LRRFIP1: variants seen among roughly 807,000 people sequenced by gnomAD.
LRRFIP1 encodes the protein leucine-rich repeat flightless-interacting protein 1.
A neutral mutation model predicts 104.4 loss-of-function variants in LRRFIP1; 62 were observed. The observed-to-expected ratio is 0.59, with a 90% confidence interval of 0.48 to 0.73. The LOEUF is 0.73. Among genes scored for constraint, LRRFIP1 ranks in the 30% least tolerant of loss-of-function variants. The pLI is 0.00. For synonymous variants in LRRFIP1, 300 were observed against 299.0 expected, an observed-to-expected ratio of 1.00 and a Z score of -0.03; for missense variants, 796 against 824.5, an observed-to-expected ratio of 0.97 and a Z score of 0.42.
chr2:237,671,825 C>CGT (rs2090393209), intron 1 of LRRFIP1, among the ~76,000 whole-genome samples: 6 of 148,760 alleles, frequency 4.0e-5, no homozygotes, highest in Admixed American at 1.3e-4. Context: ...TGTGTGTGCA[C>CGT]ATGTGTGTGT....
At chr2:237,740,641 A>G (rs2095387919) in intron 11 of LRRFIP1, among the ~76,000 whole-genome samples, 1 of 152,060 alleles carries the variant, frequency 6.6e-6, no homozygotes, top group African/African-American at 2.4e-5. Context: ...TTTGTGTTTT[A>G]AATTAGATGC....
At chr2:237,688,524 T>A (rs1225435270) in intron 1 of LRRFIP1, among the ~76,000 whole-genome samples, 1 of 148,108 alleles carries the variant, frequency 6.8e-6, no homozygotes, top group Admixed American at 6.8e-5. Context: ...AGTGGCATGA[T>A]CTCAGCTTAC....
Position 237,772,197 on chromosome 2 carries a change from A to G in LRRFIP1, c.1626A>G (p.Gln542=), listed in dbSNP as rs2060701350. 13 of 1,604,702 alleles carry G rather than the reference A, an allele frequency of 8.1e-6. No homozygotes were observed. The highest frequency in any genetic ancestry group is 4.0e-5 in the African/African-American group (3 of 74,764). The part of the protein sequence containing the change: ...NGTDMHVMDL[Q]RDANRQISDL... ...CAGACATGCATGTAATGGACCTACAAAGTAAATGTCAATTCTTGTGTAGAA... is the reference window on the plus strand; with the variant it reads ...CAGACATGCATGTAATGGACCTACAGAGTAAATGTCAATTCTTGTGTAGAA... Residue 542 remains glutamine (Q), a splice_region_variant and synonymous_variant, in exon 21 of 24, where the codon CAA becomes CAG. Coordinates refer to ENST00000308482, the MANE Select transcript of LRRFIP1 (RefSeq NM_001137550.2).
intron 8 of LRRFIP1, among the ~76,000 whole-genome samples, chr2:237,728,988 T>G (rs1431567563): frequency 6.6e-6 from 1 of 152,226 alleles, no homozygotes; most frequent in Non-Finnish European, 1.5e-5. Context: ...AGTGGTGCTA[T>G]CTCAGCTCAC....
At chr2:237,713,371 T>C (rs185868736) in intron 2 of LRRFIP1, among the ~76,000 whole-genome samples, 11 of 152,332 alleles carry the variant, frequency 7.2e-5, no homozygotes, top group African/African-American at 2.6e-4. Flanking sequence ...GGGAGAATAA[T>C]GTACATATTC....
intron 1 of LRRFIP1, among the ~76,000 whole-genome samples, chr2:237,672,556 C>G (rs2090510198): frequency 6.6e-6 from 1 of 152,142 alleles, no homozygotes; most frequent in South Asian, 2.1e-4. Context: ...TATTAGTTTT[C>G]CATTATGATC....
At chr2:237,710,268 C>T (rs552490316) in intron 2 of LRRFIP1, among the ~76,000 whole-genome samples, 43 of 151,802 alleles carry the variant, frequency 2.8e-4, no homozygotes, top group Non-Finnish European at 5.2e-4. Flanking sequence ...TAGATAAAAA[C>T]GTATTGATTG....
chr2:237,764,164 T>G (rs1576382367), intron 19 of LRRFIP1: 1 of 1,614,022 alleles, frequency 6.2e-7, no homozygotes. Flanking sequence ...GCAGGCGCGG[T>G]GCACAGGAAG....
intron 1 of LRRFIP1, among the ~76,000 whole-genome samples, chr2:237,689,887 G>A (rs2092649040): frequency 6.6e-6 from 1 of 152,206 alleles, no homozygotes; most frequent in Non-Finnish European, 1.5e-5. Flanking sequence ...TGCCCAGCGG[G>A]ATCCCCGTGT....
intron 1 of LRRFIP1, among the ~76,000 whole-genome samples, chr2:237,652,290 A>G (rs2086067717): frequency 6.6e-6 from 1 of 152,202 alleles, no homozygotes; most frequent in Non-Finnish European, 1.5e-5. Flanking sequence ...TGGAGATATA[A>G]ATTTGGGAGT....
intron 1 of LRRFIP1, among the ~76,000 whole-genome samples, chr2:237,642,426 T>G (rs2084132748): frequency 6.6e-6 from 1 of 151,846 alleles, no homozygotes; most frequent in African/African-American, 2.4e-5. Context: ...GGCTAAGGGT[T>G]TCAGCTTCCG....
At chr2:237,679,387 A>G (rs976349664) in intron 1 of LRRFIP1, among the ~76,000 whole-genome samples, 4 of 152,246 alleles carry the variant, frequency 2.6e-5, no homozygotes, top group Admixed American at 2.6e-4. Context: ...GGAAGAAGGA[A>G]TATATCAGCA....
chr2:237,675,620 T>C (rs2091041247), intron 1 of LRRFIP1, among the ~76,000 whole-genome samples: 1 of 152,190 alleles, frequency 6.6e-6, no homozygotes, highest in Non-Finnish European at 1.5e-5. Flanking sequence ...CCTCCCTTTC[T>C]TTTCGAATGA....
At chr2:237,740,404 A>T (rs1347622336) in intron 11 of LRRFIP1, among the ~76,000 whole-genome samples, 2 of 152,034 alleles carry the variant, frequency 1.3e-5, no homozygotes, top group Non-Finnish European at 2.9e-5. Context: ...ACAGAGTGAG[A>T]CCCTGCCTCT....
chr2:237,638,687 A>G (rs1431369971), intron 1 of LRRFIP1, among the ~76,000 whole-genome samples: 2 of 152,216 alleles, frequency 1.3e-5, no homozygotes, highest in Non-Finnish European at 2.9e-5. Flanking sequence ...CTGCATGTCA[A>G]ATTAACTTTA....
chr2:237,757,530 GA>G lies in LRRFIP1; in HGVS notation c.1209del (p.Asp404ThrfsTer4). On this transcript the variant is annotated frameshift_variant, in exon 17 of 24. Coordinates refer to ENST00000308482, the MANE Select transcript of LRRFIP1 (RefSeq NM_001137550.2). LOFTEE classifies it high-confidence loss of function. ...CTGATCTTCAGGAAACAATAGAGTG[GA>G]AAGACAAAAAGATAGGGGTAGGATT... is the stretch of plus-strand genomic sequence containing the variant. ...ISDLQETIEW[K>X]DKKIGALERQ... 1 of 1,583,506 alleles carries G rather than the reference GA, an allele frequency of 6.3e-7. No homozygotes were observed. The highest frequency in any genetic ancestry group is 8.6e-7 in the Non-Finnish European group (1 of 1,164,208).
chr2:237,708,495 G>T (rs781538292), intron 1 of LRRFIP1, 49 bp from the exon 2 acceptor site: 1 of 1,407,372 alleles, frequency 7.1e-7, no homozygotes, highest in Non-Finnish European at 9.6e-7. Flanking sequence ...CCTGTACTGG[G>T]AAGGTGCCCG....
At chr2:237,636,456 GTT>G (rs1000424198) in intron 1 of LRRFIP1, among the ~76,000 whole-genome samples, 1 of 148,860 alleles carries the variant, frequency 6.7e-6, no homozygotes, top group East Asian at 2.0e-4. Flanking sequence ...GAATTGCTAA[GTT>G]TTTTTATTGT....
intron 1 of LRRFIP1, among the ~76,000 whole-genome samples, chr2:237,632,382 A>G (rs2082505353): frequency 6.6e-6 from 1 of 151,758 alleles, no homozygotes. Context: ...GCTGAGGCCA[A>G]CTCCTGCCGA....
Sources: allele counts gnomAD v4.1 joint callset (sites outside exome capture counted in the v4.1 genomes callset), GRCh38; gene constraint gnomAD v4.1.1; transcripts MANE v1.5; gene names NCBI Gene and HGNC (gene_info 2026-07-23, HGNC 2026-07-21).